Variants in CACNA1E observed in about 807,000 individuals in gnomAD.
CACNA1E encodes calcium voltage-gated channel subunit alpha1 E.
CACNA1E carries 40 observed loss-of-function variants against 259.2 expected under a neutral mutation model. The ratio of observed to expected loss-of-function variants is 0.15; its 90% CI spans 0.12 to 0.20. The LOEUF is 0.20. Ranked by LOEUF, CACNA1E falls within the 10% of genes least tolerant of loss-of-function variation. CACNA1E has a pLI of 1.00. For missense variants in CACNA1E, 1,874 were observed against 3,040.1 expected (o/e 0.62, Z 9.02); for synonymous variants, 1,104 against 1,138.5 (o/e 0.97, Z 0.61).
Position 181,758,210 on chromosome 1 carries a change from T to C in CACNA1E, c.4494+99T>C. 1 of 1,061,212 alleles carries C rather than the reference T, an allele frequency of 9.4e-7. No individual in the cohort carries two copies. The highest frequency in any genetic ancestry group is 1.5e-5 in the South Asian group (1 of 66,344). 65.7% of individuals were successfully genotyped at this position (1,061,212 alleles called of 1,614,324 possible). ...CCAACATCCCAGCCCATCACTGCTT[T>C]ACCTACTTTTCCATCATTGAATCCT... On this transcript the variant is annotated intron_variant, in intron 31 of 47. Coordinates refer to ENST00000367573, the MANE Select transcript of CACNA1E (RefSeq NM_001205293.3). The surrounding 1 kb of genome is among the most constrained non-coding windows in gnomAD (Gnocchi z 4.2).
chr1:181,585,912 G>A (rs1047590563), intron 6 of CACNA1E, among the ~76,000 whole-genome samples: 2 of 152,196 alleles, frequency 1.3e-5, no homozygotes, highest in African/African-American at 4.8e-5. Flanking sequence ...CTCTGAGTGA[G>A]ATGGGAAAGC....
intron 1 of CACNA1E, among the ~76,000 whole-genome samples, chr1:181,501,109 C>G (rs1335794808): frequency 2.0e-5 from 3 of 152,142 alleles, no homozygotes; most frequent in Non-Finnish European, 2.9e-5. Context: ...TTTAATGCTC[C>G]CCTTTTCTTT....
At chr1:181,568,948 G>C (rs1254945466) in intron 3 of CACNA1E, among the ~76,000 whole-genome samples, 1 of 152,132 alleles carries the variant, frequency 6.6e-6, no homozygotes, top group Non-Finnish European at 1.5e-5. Flanking sequence ...GATTCATTAG[G>C]TTTCAGCCAC....
chr1:181,450,499 G>A (rs1558014085), intron 2 of CACNA1E, among the ~76,000 whole-genome samples: 2 of 152,008 alleles, frequency 1.3e-5, no homozygotes, highest in Admixed American at 1.3e-4. Context: ...GGAAAGACAA[G>A]TTCTAGGCAG....
intron 7 of CACNA1E, 184 bp downstream of exon 7, chr1:181,651,625 C>A (rs1019304928): frequency 1.9e-6 from 1 of 529,058 alleles, no homozygotes; most frequent in Non-Finnish European, 3.4e-6. Flanking sequence ...TTCTAATAAT[C>A]TTGATTATTC....
At chr1:181,745,608 C>A (rs376517300) in intron 25 of CACNA1E, among the ~76,000 whole-genome samples, 1 of 152,104 alleles carries the variant, frequency 6.6e-6, no homozygotes, top group Non-Finnish European at 1.5e-5. Context: ...AGTCGGAAGA[C>A]TTCATAATGG....
At chr1:181,522,666 G>A (rs1000913121) in intron 3 of CACNA1E, among the ~76,000 whole-genome samples, 2 of 152,088 alleles carry the variant, frequency 1.3e-5, no homozygotes, top group African/African-American at 4.8e-5. Context: ...CCAGTGGGGA[G>A]CTCAAAGTGC....
chr1:181,360,846 A>G (rs1653830820), intron 1 of CACNA1E, among the ~76,000 whole-genome samples: 1 of 152,166 alleles, frequency 6.6e-6, no homozygotes, highest in African/African-American at 2.4e-5. Flanking sequence ...TTCTACTACC[A>G]TATGTGGCTC....
At chr1:181,639,634 G>A (rs1393629186) in intron 6 of CACNA1E, among the ~76,000 whole-genome samples, 1 of 152,182 alleles carries the variant, frequency 6.6e-6, no homozygotes, top group Non-Finnish European at 1.5e-5. Context: ...GGCAGAGAGA[G>A]CTATGCAAAG....
chr1:181,451,890 C>T (rs530333782), intron 2 of CACNA1E, among the ~76,000 whole-genome samples: 1 of 152,210 alleles, frequency 6.6e-6, no homozygotes, highest in African/African-American at 2.4e-5. Context: ...GGGCATGAGG[C>T]AACTGGTGAG....
chr1:181,320,252 G>C (rs1650234166), intron 1 of CACNA1E, among the ~76,000 whole-genome samples: 1 of 152,172 alleles, frequency 6.6e-6, no homozygotes, highest in Admixed American at 6.5e-5. Context: ...CTACATGTCT[G>C]GATTTCAAAC....
rs924993414 is a variant in CACNA1E, at chr1:181,732,224, C to T, written c.2298-160C>T. On this transcript the variant is annotated intron_variant, in intron 19 of 47. Coordinates refer to ENST00000367573, the MANE Select transcript of CACNA1E (RefSeq NM_001205293.3). This position sits in a 1 kb window ranked among gnomAD's most constrained non-coding sequence, Gnocchi z 5.5. ...CCTGATGAGCTCCTCACGTGTGGCC[C>T]GCCTGCTCCTCGCATCTTTCTGTGC... Among the ~76,000 whole-genome samples, 1 of 152,150 alleles carries T rather than the reference C, an allele frequency of 6.6e-6. No homozygotes were observed. Among genetic ancestry groups the T allele is most frequent in the Non-Finnish European group, 1.5e-5 (1 of 68,024 alleles).
At chr1:181,597,301 G>T (rs1457533988) in intron 6 of CACNA1E, among the ~76,000 whole-genome samples, 1 of 152,100 alleles carries the variant, frequency 6.6e-6, no homozygotes, top group Non-Finnish European at 1.5e-5. Context: ...GGAGAAAGGG[G>T]CTCCCTTATT....
chr1:181,680,649 G>A (rs983273994), intron 7 of CACNA1E, among the ~76,000 whole-genome samples: 2 of 152,120 alleles, frequency 1.3e-5, no homozygotes, highest in East Asian at 1.9e-4. Flanking sequence ...GCCAGACATC[G>A]GTCCACGCAG....
At chr1:181,509,037 G>C (rs1489923199) in intron 1 of CACNA1E, among the ~76,000 whole-genome samples, 1 of 152,148 alleles carries the variant, frequency 6.6e-6, no homozygotes, top group African/African-American at 2.4e-5. Context: ...ATGGTGGTCA[G>C]CTGCTGGCGA....
intron 2 of CACNA1E, among the ~76,000 whole-genome samples, chr1:181,460,171 G>A (rs1661711134): frequency 6.6e-6 from 1 of 152,190 alleles, no homozygotes; most frequent in African/African-American, 2.4e-5. Context: ...TTCATTTTGA[G>A]AATTAGGGGA....
intron 1 of CACNA1E, among the ~76,000 whole-genome samples, chr1:181,357,629 C>A (rs540715397): frequency 9.9e-5 from 14 of 142,010 alleles, no homozygotes; most frequent in African/African-American, 3.3e-4. Context: ...CAAAAGAAAA[C>A]CTCCTCCTTG....
chr1:181,735,882 G>C (rs1655990563), intron 21 of CACNA1E, among the ~76,000 whole-genome samples: 1 of 151,996 alleles, frequency 6.6e-6, no homozygotes, highest in Non-Finnish European at 1.5e-5. Context: ...GCCACTGAGG[G>C]TATACCCCTC....
At chr1:181,623,271 A>G (rs1030691626) in intron 6 of CACNA1E, among the ~76,000 whole-genome samples, 2 of 152,218 alleles carry the variant, frequency 1.3e-5, no homozygotes, top group African/African-American at 2.4e-5. Flanking sequence ...GGTATGTATT[A>G]TAGTGTACCT....
Sources: gnomAD v4.1 joint callset for allele counts (sites outside exome capture counted in the v4.1 genomes callset) on GRCh38, gnomAD v4.1.1 for gene constraint, Gnocchi (gnomAD v3.1) non-coding constraint, MANE v1.5 for transcripts, NCBI Gene and HGNC (gene_info 2026-07-23, HGNC 2026-07-21) for gene names.